Variants in QTGAL observed in about 807,000 individuals in gnomAD.
QTGAL encodes the protein BGnT-like protein 1.
chr17:83,048,387 T>G, the QTGAL span: 1 of 1,262,386 alleles, frequency 7.9e-7, no homozygotes, highest in Non-Finnish European at 1.2e-6. Context: ...TTTGTCAGTA[T>G]TTGAACAACA....
chr17:82,988,958 T>G, the QTGAL span, among the ~76,000 whole-genome samples: 3 of 152,142 alleles, frequency 2.0e-5, no homozygotes, highest in African/African-American at 4.8e-5. Flanking sequence ...TCCTCAAGGA[T>G]CTACAACCAG....
the QTGAL span, chr17:83,006,593 C>A: frequency 2.0e-6 from 2 of 985,342 alleles, no homozygotes; most frequent in Admixed American, 6.1e-5. This position sits in a 1 kb window ranked among gnomAD's most constrained non-coding sequence, Gnocchi z 5.8. Context: ...CACTGGCAGC[C>A]CCTCAACGGC....
the QTGAL span, among the ~76,000 whole-genome samples, chr17:82,995,058 TACAA>T: frequency 6.6e-6 from 1 of 152,216 alleles, no homozygotes; most frequent in Non-Finnish European, 1.5e-5. Context: ...AAAAGCCATA[TACAA>T]AAGATCCACA....
the QTGAL span, among the ~76,000 whole-genome samples, chr17:83,045,970 G>T: frequency 6.6e-6 from 1 of 150,554 alleles, no homozygotes; most frequent in Non-Finnish European, 1.5e-5. Context: ...ATTAAAGGCC[G>T]CTGCCACTAC....
the QTGAL span, among the ~76,000 whole-genome samples, chr17:82,997,931 AT>A: frequency 0.024 from 1,910 of 79,018 alleles, 24 homozygotes; most frequent in South Asian, 0.06. Context: ...AAAAAAAAAA[AT>A]ATATATATAT....
the QTGAL span, among the ~76,000 whole-genome samples, chr17:82,970,592 G>GCGTGGACGTGACCTCCC: frequency 8.3e-5 from 5 of 60,176 alleles, 1 homozygote; most frequent in African/African-American, 3.9e-4. Flanking sequence ...CGCGACCTCC[G>GCGTGGACGTGACCTCCC]CACCCGGCGT....
chr17:82,945,847 T>C, the QTGAL span: 1 of 152,158 alleles, frequency 6.6e-6, no homozygotes. Flanking sequence ...AGGAGGGAAA[T>C]GATCGCAGTT....
At chr17:83,050,711 G>A in the QTGAL span, among the ~76,000 whole-genome samples, 3 of 152,222 alleles carry the variant, frequency 2.0e-5, no homozygotes, top group Non-Finnish European at 4.4e-5. Context: ...AGCCTCTGCC[G>A]GAGCACGGGG....
At chr17:83,001,869 A>T in the QTGAL span, among the ~76,000 whole-genome samples, 1 of 152,144 alleles carries the variant, frequency 6.6e-6, no homozygotes, top group Non-Finnish European at 1.5e-5. Context: ...TCCTGGGCTC[A>T]GGTGATCCTC....
the QTGAL span, among the ~76,000 whole-genome samples, chr17:83,035,312 TG>T: frequency 6.6e-6 from 1 of 152,070 alleles, no homozygotes; most frequent in African/African-American, 2.4e-5. Context: ...CCTGAGTAGC[TG>T]GGATTACAGG....
At chr17:82,957,011 G>A in the QTGAL span, among the ~76,000 whole-genome samples, 21 of 152,224 alleles carry the variant, frequency 1.4e-4, no homozygotes, top group Non-Finnish European at 1.3e-4. Flanking sequence ...CTAGACCCAC[G>A]AGGGACAGCG....
chr17:83,027,699 C>CAAAA, the QTGAL span, among the ~76,000 whole-genome samples: 63 of 31,154 alleles, frequency 2.0e-3, no homozygotes, highest in Non-Finnish European at 2.7e-3. Flanking sequence ...GAGACGCTCT[C>CAAAA]AAAAAAAAAA....
chr17:82,965,638 C>T, the QTGAL span: 25 of 1,594,796 alleles, frequency 1.6e-5, no homozygotes, highest in Non-Finnish European at 2.1e-5. Flanking sequence ...TGATTCCCGC[C>T]TTCGGCCCTT....
the QTGAL span, among the ~76,000 whole-genome samples, chr17:82,989,865 T>C: frequency 6.6e-6 from 1 of 152,168 alleles, no homozygotes; most frequent in South Asian, 2.1e-4. Context: ...GAAAATCTGA[T>C]TTATGAAAAA....
At chr17:83,030,158 A>G in the QTGAL span, among the ~76,000 whole-genome samples, 1 of 152,218 alleles carries the variant, frequency 6.6e-6, no homozygotes, top group African/African-American at 2.4e-5. Context: ...TAAAAAGAAG[A>G]AAAAGAAATC....
At chr17:83,008,651 T>C in the QTGAL span, among the ~76,000 whole-genome samples, 3 of 152,122 alleles carry the variant, frequency 2.0e-5, no homozygotes, top group Non-Finnish European at 2.9e-5. Context: ...GGCTACATTG[T>C]CAAAGGCAAC....
the QTGAL span, among the ~76,000 whole-genome samples, chr17:83,002,602 G>A: frequency 6.6e-6 from 1 of 152,180 alleles, no homozygotes. Context: ...GGGCCCCACA[G>A]AGGATGGCAG....
chr17:83,020,205 A>G, the QTGAL span, among the ~76,000 whole-genome samples: 1 of 152,224 alleles, frequency 6.6e-6, no homozygotes, highest in East Asian at 1.9e-4. Flanking sequence ...AGAAAAAAAG[A>G]AGAAAAACCA....
At chr17:83,006,868 T>A in the QTGAL span, 1 of 947,092 alleles carries the variant, frequency 1.1e-6, no homozygotes, top group Non-Finnish European at 1.3e-6. The surrounding 1 kb of genome is among the most constrained non-coding windows in gnomAD (Gnocchi z 5.8). Context: ...AACTGCCGGG[T>A]CACAGAACAG....
Sources: gnomAD v4.1 joint callset for allele counts (sites outside exome capture counted in the v4.1 genomes callset) on GRCh38, gnomAD v4.1.1 for gene constraint, Gnocchi (gnomAD v3.1) non-coding constraint, MANE v1.5 for transcripts, NCBI Gene and HGNC (gene_info 2026-07-23, HGNC 2026-07-21) for gene names.